Variants in MBTPS1 observed in about 807,000 individuals in gnomAD.
MBTPS1 encodes the protein membrane bound transcription factor peptidase, site 1.
Under a neutral mutation model 127.8 loss-of-function variants are expected in MBTPS1, and 94 were observed. The ratio of observed to expected loss-of-function variants is 0.74; its 90% CI spans 0.62 to 0.87. MBTPS1 has a LOEUF of 0.87. Among genes scored for constraint, MBTPS1 ranks in the 40% least tolerant of loss-of-function variants. The pLI is 0.00. For synonymous variants in MBTPS1, 632 were observed against 509.4 expected (o/e 1.24, Z -3.24); for missense variants, 1,636 against 1,353.2 (o/e 1.21, Z -3.28).
At chr16:84,055,229 C>G (rs1223629871) in intron 22 of MBTPS1, among the ~76,000 whole-genome samples, 1 of 152,218 alleles carries the variant, frequency 6.6e-6, no homozygotes, top group East Asian at 1.9e-4. Context: ...TCAGCGCACC[C>G]CGTGACCTAT....
chr16:84,062,961 A>G (rs1230745900), intron 19 of MBTPS1, among the ~76,000 whole-genome samples: 1 of 152,212 alleles, frequency 6.6e-6, no homozygotes, highest in African/African-American at 2.4e-5. Context: ...TCCAGGCAGC[A>G]CGGCGTAGGA....
chr16:84,056,860 T>C (rs1376158734), intron 21 of MBTPS1: 1 of 152,256 alleles, frequency 6.6e-6, no homozygotes, highest in Non-Finnish European at 1.5e-5. Flanking sequence ...GAGAGGTTGA[T>C]ACGCTGGCAA....
intron 22 of MBTPS1, among the ~76,000 whole-genome samples, chr16:84,055,647 C>T (rs2085511298): frequency 1.3e-5 from 2 of 151,322 alleles, no homozygotes; most frequent in South Asian, 4.2e-4. Flanking sequence ...TGGCTGGGAC[C>T]CAAACCAGCA....
At chr16:84,072,327 G>A (rs982300889) in intron 12 of MBTPS1, among the ~76,000 whole-genome samples, 3 of 151,960 alleles carry the variant, frequency 2.0e-5, no homozygotes, top group Non-Finnish European at 4.4e-5. Context: ...AAGAAGGAGT[G>A]GCTGATAATG....
At chr16:84,070,494 C>A (rs2085754002) in intron 13 of MBTPS1, 94 bp downstream of exon 13, 1 of 1,282,738 alleles carries the variant, frequency 7.8e-7, no homozygotes, top group Non-Finnish European at 1.1e-6. Context: ...GTCAACTGTA[C>A]TTCCAATGGA....
intron 11 of MBTPS1, among the ~76,000 whole-genome samples, chr16:84,076,361 C>G (rs1188658532): frequency 6.6e-6 from 1 of 152,108 alleles, no homozygotes; most frequent in African/African-American, 2.4e-5. Flanking sequence ...ATACAAGAGG[C>G]ATTTCCATTA....
At chr16:84,116,607 C>CACCGA (rs2086483626) in intron 1 of MBTPS1, 128 bp downstream of exon 1, 1 of 152,206 alleles carries the variant, frequency 6.6e-6, no homozygotes, top group African/African-American at 2.4e-5. Context: ...CGCCCACCTC[C>CACCGA]CCCGACCCGG....
rs116764982 is a variant in MBTPS1, at chr16:84,059,662, G to T, written c.2705-234C>A. The T allele has an allele frequency of 2.0e-3, 782 of 400,928 alleles. 11 individuals carry two copies. The highest frequency in any genetic ancestry group is 0.015 in the African/African-American group (760 of 49,376). The allele number at this position is 400,928 out of a possible 1,614,324, so 24.8% of individuals were successfully genotyped here. On this transcript the variant is annotated intron_variant, in intron 20 of 22. Coordinates refer to ENST00000343411, the MANE Select transcript of MBTPS1 (RefSeq NM_003791.4). Reference sequence around the variant, plus strand: ...GTGAGAAAATCAGAACCGTTCCCTTGAAGATGGGCAGATGTGTGCACAGCA... The same window carrying T: ...GTGAGAAAATCAGAACCGTTCCCTTTAAGATGGGCAGATGTGTGCACAGCA...
intron 14 of MBTPS1, among the ~76,000 whole-genome samples, chr16:84,069,291 C>T (rs28421568): frequency 2.0e-5 from 3 of 152,108 alleles, no homozygotes; most frequent in African/African-American, 2.4e-5. Flanking sequence ...ACAGGGAGAG[C>T]GGCTATGGGG....
intron 2 of MBTPS1, among the ~76,000 whole-genome samples, chr16:84,099,554 C>T (rs527983202): frequency 2.0e-5 from 3 of 151,734 alleles, no homozygotes; most frequent in East Asian, 1.9e-4. Context: ...GGGAGGCTGA[C>T]GTGGGCAGAT....
intron 8 of MBTPS1, 22 bp from the exon 9 acceptor site, chr16:84,087,482 AAAAAAAGAAAAG>A: frequency 7.0e-7 from 1 of 1,423,354 alleles, no homozygotes; most frequent in Non-Finnish European, 9.6e-7. Flanking sequence ...CCAAAAAAAA[AAAAAAAGAAAAG>A]AAAAAGAAAA....
chr16:84,081,960 T>G, intron 10 of MBTPS1, 52 bp from the exon 11 acceptor site: 1 of 1,313,626 alleles, frequency 7.6e-7, no homozygotes, highest in Admixed American at 3.1e-5. Flanking sequence ...AGAATGGAAA[T>G]TGGACCACTA....
Position 84,068,470 on chromosome 16 carries a change from C to A in MBTPS1, c.1956-16G>T. 6.6e-7 allele frequency: 1 copy of A among 1,513,656 alleles called. No individual in the cohort carries two copies. The highest frequency in any genetic ancestry group is 2.3e-5 in the East Asian group (1 of 44,412). 93.8% of individuals were successfully genotyped at this position (1,513,656 alleles called of 1,614,324 possible). A position where few individuals can be genotyped will look rare whatever the true frequency, so the allele number is the denominator to read the frequency against. On this transcript the variant is annotated splice_polypyrimidine_tract_variant and intron_variant, in intron 14 of 22. Coordinates refer to ENST00000343411, the MANE Select transcript of MBTPS1 (RefSeq NM_003791.4). Reference sequence around the variant, plus strand: ...ATCACCATTCCTGAAAAACAATAGGCCACAGCATTAAAATGATCGATCTTT... The same window carrying A: ...ATCACCATTCCTGAAAAACAATAGGACACAGCATTAAAATGATCGATCTTT...
At chr16:84,090,465 G>C (rs1000274773) in intron 8 of MBTPS1, among the ~76,000 whole-genome samples, 2 of 152,104 alleles carry the variant, frequency 1.3e-5, no homozygotes, top group Non-Finnish European at 2.9e-5. Flanking sequence ...TGCTCTTTCA[G>C]AGAGAGGCAG....
intron 3 of MBTPS1, among the ~76,000 whole-genome samples, chr16:84,097,599 C>T (rs1310435870): frequency 6.6e-6 from 1 of 152,218 alleles, no homozygotes; most frequent in Non-Finnish European, 1.5e-5. Context: ...TCTCCTAAAG[C>T]ATTCTAGAGC....
rs199782320 is a variant in MBTPS1 at position 84,054,519 on chromosome 16, C to T, written c.3089G>A (p.Arg1030Gln). Reference sequence around the variant, plus strand: ...CGGGCGCTTCACCCTGGGCTTCCTCCGCTTCGGCCTGCTCTTGGCCTTGTT... The same window carrying T: ...CGGGCGCTTCACCCTGGGCTTCCTCTGCTTCGGCCTGCTCTTGGCCTTGTT... Reference protein sequence around the residue: ...QINKAKSRPKRRKPRVKRPQL... With the variant: ...QINKAKSRPKQRKPRVKRPQL... Residue 1030 changes from arginine to glutamine, a missense_variant, in exon 23 of 23, where the codon CGG becomes CAG. Physicochemically the swap from Arg to Gln is conservative, Grantham distance 43. Transcript: ENST00000343411. 12 of 1,613,882 alleles carry T rather than the reference C, an allele frequency of 7.4e-6. No individual in the cohort carries two copies. Among genetic ancestry groups the T allele is most frequent in the Admixed American group, 1.7e-5 (1 of 59,982 alleles).
rs764408404 is a variant in MBTPS1, at chr16:84,065,717, C to A, written c.2404G>T (p.Val802Leu). 6.2e-7 allele frequency: 1 copy of A among 1,612,304 alleles called. No individual in the cohort carries two copies. The highest frequency in any genetic ancestry group is 8.5e-7 in the Non-Finnish European group (1 of 1,179,410). Residue 802 changes from valine (V) to leucine (L), a missense_variant, in exon 18 of 23, where the codon GTG becomes TTG. By Grantham distance (32) the Val-to-Leu change is conservative (BLOSUM62 1). Transcript: ENST00000343411. ...SIAKFPEDGV[V>L]ITQTFKDQGL... The stretch of plus-strand genomic sequence containing the variant: ...TGGTCCTTGAAAGTCTGTGTTATCA[C>A]GACGCCATCTTCTGGAAACTTCGCG...
chr16:84,102,483 T>TA (rs2086270801), intron 1 of MBTPS1, among the ~76,000 whole-genome samples: 1 of 152,040 alleles, frequency 6.6e-6, no homozygotes, highest in Non-Finnish European at 1.5e-5. Flanking sequence ...AATAAAACAA[T>TA]AAAATCAATG....
chr16:84,084,954 G>T, intron 10 of MBTPS1, 29 bp downstream of exon 10: 1 of 1,606,618 alleles, frequency 6.2e-7, no homozygotes, highest in South Asian at 1.1e-5. Context: ...TGACGTGGGA[G>T]CTACTGGTCT....
Sources: gnomAD v4.1 joint callset for allele counts (sites outside exome capture counted in the v4.1 genomes callset) on GRCh38, gnomAD v4.1.1 for gene constraint, MANE v1.5 for transcripts, NCBI Gene and HGNC (gene_info 2026-07-23, HGNC 2026-07-21) for gene names.